The following GAB1 variants were observed in gnomAD, a reference collection of about 807,000 sequenced individuals.
The protein encoded by GAB1 is GRB2-associated-binding protein 1.
A neutral mutation model predicts 66.5 loss-of-function variants in GAB1; 19 were observed. The observed-to-expected ratio is 0.29, with a 90% CI of 0.20 to 0.42. The LOEUF (loss-of-function observed/expected upper bound fraction) is 0.42. Among genes scored for constraint, GAB1 ranks in the 10% least tolerant of loss-of-function variants. The pLI is 1.00. For missense variants in GAB1, 732 were observed against 858.5 expected (o/e 0.85, Z 1.84); for synonymous variants, 294 against 301.4 (o/e 0.98, Z 0.25).
At chr4:143,385,067 C>T (rs1730837391) in intron 1 of GAB1, among the ~76,000 whole-genome samples, 1 of 152,148 alleles carries the variant, frequency 6.6e-6, no homozygotes, top group Admixed American at 6.5e-5. Context: ...ATGAACATAT[C>T]TGAGAGTCCT....
intron 6 of GAB1, among the ~76,000 whole-genome samples, chr4:143,447,211 T>C (rs1734605752): frequency 6.6e-6 from 1 of 152,144 alleles, no homozygotes; most frequent in Non-Finnish European, 1.5e-5. Context: ...TGTAGTATAG[T>C]TAGAAGTCAG....
intron 8 of GAB1, 111 bp downstream of exon 8, chr4:143,460,598 G>A: frequency 1.1e-6 from 1 of 933,698 alleles, no homozygotes; most frequent in East Asian, 2.5e-5. Flanking sequence ...TTAAGAAAAA[G>A]CAGTAAAAGA....
chr4:143,344,269 G>C (rs578200728), intron 1 of GAB1, among the ~76,000 whole-genome samples: 18 of 152,176 alleles, frequency 1.2e-4, no homozygotes, highest in East Asian at 1.9e-4. Context: ...GCTCGTGTTG[G>C]GGGGGAGAGA....
chr4:143,375,502 G>A (rs529269499), intron 1 of GAB1, among the ~76,000 whole-genome samples: 1 of 152,160 alleles, frequency 6.6e-6, no homozygotes, highest in Non-Finnish European at 1.5e-5. Flanking sequence ...GATCATTGCT[G>A]ACTTATCTTG....
chr4:143,339,266 C>T (rs1002153635), intron 1 of GAB1, among the ~76,000 whole-genome samples: 1 of 152,230 alleles, frequency 6.6e-6, no homozygotes, highest in Admixed American at 6.5e-5. Flanking sequence ...CCTGTAATCC[C>T]AGCACTTTGG....
chr4:143,460,153 CT>C (rs1735412291), intron 7 of GAB1, among the ~76,000 whole-genome samples: 1 of 151,984 alleles, frequency 6.6e-6, no homozygotes, highest in Non-Finnish European at 1.5e-5. Flanking sequence ...AAATATTTTG[CT>C]GTCCAAAATA....
intron 4 of GAB1, chr4:143,439,595 T>C (rs1453467056): frequency 4.0e-6 from 2 of 498,830 alleles, no homozygotes; most frequent in Non-Finnish European, 7.2e-6. Flanking sequence ...ATATTGGTAT[T>C]GGTTAGCATA....
At chr4:143,457,286 A>C (rs28925937) in intron 6 of GAB1, among the ~76,000 whole-genome samples, 4,599 of 152,278 alleles carry the variant, frequency 0.03, 238 homozygotes, top group African/African-American at 0.11. Flanking sequence ...TGTAATTGAG[A>C]TCTGACTAGG....
rs564461077 is a variant in GAB1 at position 143,370,597 on chromosome 4, G to A, written c.72+33337G>A. Among the ~76,000 whole-genome samples, 6 of 152,124 alleles carry A rather than the reference G, an allele frequency of 3.9e-5. No individual in the cohort carries two copies. The East Asian group carries it at 9.7e-4, about 24-fold the overall frequency. On this transcript the variant is annotated intron_variant, in intron 1 of 9. Coordinates refer to ENST00000262994, the MANE Select transcript of GAB1 (RefSeq NM_002039.4). Reference sequence around the variant, plus strand: ...AAGTTCTAGGGTACATGTGCACAACGTGCAAGTTTGTTACATATGTATACG... The same window carrying A: ...AAGTTCTAGGGTACATGTGCACAACATGCAAGTTTGTTACATATGTATACG...
intron 1 of GAB1, among the ~76,000 whole-genome samples, chr4:143,375,033 C>T (rs951580048): frequency 9.2e-5 from 14 of 152,194 alleles, no homozygotes; most frequent in African/African-American, 3.1e-4. Flanking sequence ...CTGCAACCTC[C>T]GCCCCCTGGG....
At chr4:143,369,888 C>T (rs900773086) in intron 1 of GAB1, among the ~76,000 whole-genome samples, 14 of 152,216 alleles carry the variant, frequency 9.2e-5, no homozygotes, top group Non-Finnish European at 1.8e-4. Context: ...AGCAAAAGGC[C>T]TAGTGTTATT....
chr4:143,448,167 T>C (rs1005469067), intron 6 of GAB1, among the ~76,000 whole-genome samples: 12 of 152,028 alleles, frequency 7.9e-5, no homozygotes, highest in Admixed American at 6.5e-4. Flanking sequence ...ATAAGCTTTT[T>C]GATGTGCTGC....
chr4:143,355,613 G>A (rs536600852), intron 1 of GAB1, among the ~76,000 whole-genome samples: 1 of 152,068 alleles, frequency 6.6e-6, no homozygotes, highest in African/African-American at 2.4e-5. Context: ...TCAGGAAGGC[G>A]TGCGCCTCAC....
chr4:143,361,817 TG>T (rs1376513538), intron 1 of GAB1, among the ~76,000 whole-genome samples: 2 of 152,186 alleles, frequency 1.3e-5, no homozygotes, highest in Non-Finnish European at 2.9e-5. Flanking sequence ...GATTATTTGG[TG>T]GAGCCAGTGT....
intron 1 of GAB1, among the ~76,000 whole-genome samples, chr4:143,377,715 T>C (rs796941392): frequency 1.3e-5 from 2 of 152,320 alleles, no homozygotes; most frequent in African/African-American, 2.4e-5. Context: ...CTTTATGTAA[T>C]CCACCATCAT....
At chr4:143,461,326 T>C in intron 8 of GAB1, among the ~76,000 whole-genome samples, 1 of 152,186 alleles carries the variant, frequency 6.6e-6, no homozygotes, top group Non-Finnish European at 1.5e-5. Flanking sequence ...CATGGAAAAG[T>C]CTAGAGAGAG....
At chr4:143,401,808 A>AT (rs1482663170) in intron 1 of GAB1, among the ~76,000 whole-genome samples, 1 of 151,886 alleles carries the variant, frequency 6.6e-6, no homozygotes, top group Non-Finnish European at 1.5e-5. Flanking sequence ...GGAGAAATAG[A>AT]TTTTTTGATG....
chr4:143,348,763 C>G (rs1581213505), intron 1 of GAB1, among the ~76,000 whole-genome samples: 1 of 152,188 alleles, frequency 6.6e-6, no homozygotes, highest in Non-Finnish European at 1.5e-5. Context: ...TATGTGGCAG[C>G]AGCACATCCA....
At chr4:143,410,409 T>C (rs1732318431) in intron 1 of GAB1, among the ~76,000 whole-genome samples, 1 of 152,238 alleles carries the variant, frequency 6.6e-6, no homozygotes, top group Non-Finnish European at 1.5e-5. Flanking sequence ...GTGAATTTGT[T>C]AGTAATATTA....
Sources: gnomAD v4.1 joint callset for allele counts (sites outside exome capture counted in the v4.1 genomes callset) on GRCh38, gnomAD v4.1.1 for gene constraint, MANE v1.5 for transcripts, NCBI Gene and HGNC (gene_info 2026-07-23, HGNC 2026-07-21) for gene names.